Variants in EFR3A observed in about 807,000 individuals in gnomAD.
EFR3A encodes the protein EFR3 homolog A.
EFR3A carries 76 observed loss-of-function variants against 104.4 expected under a neutral mutation model. The observed-to-expected ratio is 0.73, with a 90% confidence interval of 0.60 to 0.88. EFR3A has a LOEUF of 0.88. Among genes scored for constraint, EFR3A ranks in the 40% least tolerant of loss-of-function variants. The pLI is 0.00. For synonymous variants in EFR3A, 330 were observed against 330.0 expected (o/e 1.00, Z 0.00); for missense variants, 985 against 1,012.5 (o/e 0.97, Z 0.37).
In EFR3A at chr8:131,984,315, C is replaced by A; in HGVS notation, c.1737+15C>A. On this transcript the variant is annotated intron_variant, in intron 15 of 22. Coordinates refer to ENST00000254624, the MANE Select transcript of EFR3A (RefSeq NM_015137.6). The stretch of plus-strand genomic sequence containing the variant: ...TTGCTTTACAGGTATGCTTTCATAA[C>A]CGTTCACTGCAGAAAACATTTTTTA... The A allele has an allele frequency of 6.6e-7, 1 of 1,521,550 alleles. No homozygotes were observed. The highest frequency in any genetic ancestry group is 2.2e-5 in the Admixed American group (1 of 46,426). 94.3% of individuals were successfully genotyped at this position (1,521,550 alleles called of 1,614,324 possible). A position where few individuals can be genotyped will look rare whatever the true frequency, so the allele number is the denominator to read the frequency against.
intron 7 of EFR3A, 92 bp downstream of exon 7, chr8:131,955,997 C>A: frequency 1.4e-6 from 2 of 1,410,990 alleles, no homozygotes; most frequent in South Asian, 1.3e-5. Context: ...TTTTTACTTG[C>A]ATGAGTGAGT....
chr8:131,989,355 TGTA>T (rs1821049179), intron 18 of EFR3A, among the ~76,000 whole-genome samples: 1 of 152,206 alleles, frequency 6.6e-6, no homozygotes, highest in African/African-American at 2.4e-5. Flanking sequence ...TTGTGTGTCA[TGTA>T]GTACCCATCA....
chr8:131,974,670 A>C (rs1042798805), intron 10 of EFR3A, among the ~76,000 whole-genome samples: 2 of 152,338 alleles, frequency 1.3e-5, no homozygotes, highest in South Asian at 4.1e-4. Flanking sequence ...ATCCAAATAC[A>C]AAATAGTTTC....
intron 10 of EFR3A, among the ~76,000 whole-genome samples, chr8:131,973,476 C>T (rs796889480): frequency 3.9e-4 from 60 of 152,076 alleles, no homozygotes; most frequent in African/African-American, 1.4e-3. Flanking sequence ...CAGACTCAAG[C>T]CATATTTCTG....
chr8:131,916,191 A>C (rs1400790959), intron 1 of EFR3A, among the ~76,000 whole-genome samples: 1 of 152,256 alleles, frequency 6.6e-6, no homozygotes, highest in African/African-American at 2.4e-5. Flanking sequence ...ACAAGTTGCT[A>C]TGTAAACATG....
At position 131,986,617 on chromosome 8, in the gene EFR3A, CTACTAAAAAA is replaced by C. The variant is rs1389293595; in HGVS notation, c.1937+365_1937+374del. ...TGGCCAACATGGTGAAACCCCGTCT[CTACTAAAAAA>C]TACTAAAATTAGCTGGGTATGGTGG... On this transcript the variant is annotated intron_variant, in intron 17 of 22. Transcript: ENST00000254624. 5.9e-5 allele frequency among the ~76,000 whole-genome samples: 9 copies of C among 152,000 alleles called. No individual in the cohort carries two copies. The South Asian group carries it at 1.7e-3, about 28-fold the overall frequency.
rs1586670403 is a variant in EFR3A, at chr8:131,996,509, A to G, written c.2157+12A>G. The G allele has an allele frequency of 2.6e-6, 4 of 1,563,966 alleles. No homozygotes were observed. In the East Asian group the frequency reaches 9.1e-5, roughly 36 times the overall value. ...CTTCTGATGATGTGGTAAGTTACTG[A>G]AAGTTTATGGTAGAGTACTGTCTTG... On this transcript the variant is annotated intron_variant, in intron 19 of 22. Coordinates refer to ENST00000254624, the MANE Select transcript of EFR3A (RefSeq NM_015137.6).
intron 12 of EFR3A, among the ~76,000 whole-genome samples, chr8:131,978,404 C>A (rs1305344979): frequency 1.3e-5 from 2 of 152,106 alleles, no homozygotes; most frequent in Non-Finnish European, 2.9e-5. Context: ...AACCAACTGC[C>A]TAATTTAAAA....
chr8:131,923,783 A>G (rs1042397511), intron 1 of EFR3A, among the ~76,000 whole-genome samples: 1 of 152,120 alleles, frequency 6.6e-6, no homozygotes, highest in East Asian at 1.9e-4. Context: ...GTGCGCACTC[A>G]GAAGAACTGC....
chr8:131,962,110 A>C (rs1819382525), intron 8 of EFR3A, among the ~76,000 whole-genome samples: 1 of 152,228 alleles, frequency 6.6e-6, no homozygotes, highest in Non-Finnish European at 1.5e-5. Flanking sequence ...AAAACATGCC[A>C]AATTGTAAAG....
At chr8:131,910,607 A>G (rs2130379765) in intron 1 of EFR3A, among the ~76,000 whole-genome samples, 1 of 152,314 alleles carries the variant, frequency 6.6e-6, no homozygotes, top group South Asian at 2.1e-4. Flanking sequence ...ATTTTCAGTT[A>G]TCACTACTCC....
At chr8:131,939,648 T>C (rs117254751) in intron 1 of EFR3A, among the ~76,000 whole-genome samples, 1 of 152,270 alleles carries the variant, frequency 6.6e-6, no homozygotes, top group East Asian at 1.9e-4. Context: ...TTGAATTTAC[T>C]ATATTTGGCT....
At chr8:131,911,778 G>C (rs959002277) in intron 1 of EFR3A, among the ~76,000 whole-genome samples, 15 of 152,348 alleles carry the variant, frequency 9.8e-5, no homozygotes, top group Admixed American at 9.1e-4. Context: ...AATAGACTGA[G>C]TGGGGAAACT....
chr8:131,972,256 C>T (rs1407386801), intron 10 of EFR3A, among the ~76,000 whole-genome samples: 6 of 139,616 alleles, frequency 4.3e-5, no homozygotes, highest in Admixed American at 2.9e-4. Flanking sequence ...CTCCCTGAAC[C>T]TTTTTTTTTT....
chr8:132,012,922 T>C lies in EFR3A; in HGVS notation c.*2027T>C, dbSNP rs1010886265. On this transcript the variant is annotated 3_prime_UTR_variant, in exon 23 of 23. Transcript: ENST00000254624. Reference sequence around the variant, plus strand: ...ACACCTTTATCTTGGTCTTTGTTGATTTGGGTTTTGTTGGGGTTTTTGTTA... The same window carrying C: ...ACACCTTTATCTTGGTCTTTGTTGACTTGGGTTTTGTTGGGGTTTTTGTTA... 6.6e-6 allele frequency: 1 copy of C among 152,148 alleles called. No homozygotes were observed. The highest frequency in any genetic ancestry group is 1.5e-5 in the Non-Finnish European group (1 of 68,012). 9.4% of individuals were successfully genotyped at this position (152,148 alleles called of 1,614,324 possible). A position where few individuals can be genotyped will look rare whatever the true frequency, so the allele number is the denominator to read the frequency against.
chr8:131,957,132 G>C lies in EFR3A; in HGVS notation c.776+1227G>C, dbSNP rs1160467845. ...TTAAATTAATCTTAAGTAAATATGT[G>C]ATTACACATTAACCATTTAGTTAAT... On this transcript the variant is annotated intron_variant, in intron 7 of 22. Coordinates refer to ENST00000254624, the MANE Select transcript of EFR3A (RefSeq NM_015137.6). Among the ~76,000 whole-genome samples, 3 of 152,126 alleles carry C rather than the reference G, an allele frequency of 2.0e-5. No homozygotes were observed. In the East Asian group the frequency reaches 5.8e-4, roughly 29 times the overall value.
At chr8:131,944,230 C>A (rs1307729211) in intron 2 of EFR3A, among the ~76,000 whole-genome samples, 2 of 152,004 alleles carry the variant, frequency 1.3e-5, no homozygotes, top group Non-Finnish European at 2.9e-5. Context: ...TATCAGGGAC[C>A]TGTTGTTGCT....
At chr8:131,988,039 A>G (rs1341874357) in intron 18 of EFR3A, among the ~76,000 whole-genome samples, 5 of 152,040 alleles carry the variant, frequency 3.3e-5, no homozygotes, top group Admixed American at 6.6e-5. Context: ...ATTGATGAAA[A>G]TTGTTTAATG....
At chr8:131,955,677 T>C in intron 6 of EFR3A, 91 bp from the exon 7 acceptor site, 1 of 1,405,530 alleles carries the variant, frequency 7.1e-7, no homozygotes, top group Non-Finnish European at 9.6e-7. Context: ...GAAAATGCCA[T>C]TTTAACATTT....
Sources: allele counts gnomAD v4.1 joint callset (sites outside exome capture counted in the v4.1 genomes callset), GRCh38; gene constraint gnomAD v4.1.1; transcripts MANE v1.5; gene names NCBI Gene and HGNC (gene_info 2026-07-23, HGNC 2026-07-21).